The following TRPM7 variants were observed in gnomAD, a reference collection of about 807,000 sequenced individuals.
The protein encoded by TRPM7 is transient receptor potential cation channel subfamily M member 7, also known as LTRPC ion channel family member 7.
Under a neutral mutation model 229.7 loss-of-function variants are expected in TRPM7, and 134 were observed. That is an observed-to-expected ratio of 0.58 (90% confidence interval 0.51 to 0.67). The LOEUF (loss-of-function observed/expected upper bound fraction) is 0.67. Ranked by LOEUF, TRPM7 falls within the 30% of genes least tolerant of loss-of-function variation. The probability of loss-of-function intolerance (pLI) is 0.00; values close to 1 mark genes in which losing one functional copy is unlikely to be tolerated. For missense variants in TRPM7, 1,901 were observed against 2,210.0 expected (o/e 0.86, Z 2.80); for synonymous variants, 699 against 715.2 (o/e 0.98, Z 0.36).
Position 50,609,633 on chromosome 15 carries a change from C to T in TRPM7, c.2528G>A (p.Arg843Gln), listed in dbSNP as rs377252016. The change falls in exon 19 of 39, where the codon CGA (arginine) becomes CAA (glutamine). Residue 843 changes from arginine to glutamine, a missense_variant. Around this residue, in one of 8 missense-constraint regions of TRPM7, gnomAD observed 207 missense variants for 241.5 expected, o/e 0.86. Coordinates refer to ENST00000646667, the MANE Select transcript of TRPM7 (RefSeq NM_017672.6). ...TGCATGATAAAAGGCATAAAACTTT[C>T]GCGTAATTGGAAGCTTTTTTGATTT... The part of the protein sequence containing the change: ...QMKSKKLPIT[R>Q]KFYAFYHAPI... The T allele has an allele frequency of 3.5e-5, 56 of 1,612,156 alleles. No homozygotes were observed. Among genetic ancestry groups the T allele is most frequent in the African/African-American group, 2.9e-4 (22 of 74,834 alleles).
At chr15:50,643,653 T>G (rs138807501) in intron 4 of TRPM7, 100 bp from the exon 5 acceptor site, 17,930 of 827,470 alleles carry the variant, frequency 0.022, 316 homozygotes, top group Non-Finnish European at 0.024. Flanking sequence ...AATCAGATTA[T>G]GTAAAAAGAG....
At position 50,594,452 on chromosome 15, in the gene TRPM7, T is replaced by C; in HGVS notation, c.3452A>G (p.Lys1151Arg). The change falls in exon 24 of 39, where the codon AAA (lysine) becomes AGA (arginine). Residue 1151 changes from lysine to arginine, a missense_variant. Transcript: ENST00000646667. ...ACTTGGTCCATCGGAAGTCTTATCT[T>C]TCTTTCTTCTCTTACATATGCAGCA... is the stretch of plus-strand genomic sequence containing the variant. The part of the protein sequence containing the change: ...LFCCICKRRK[K>R]DKTSDGPKLF... 6.2e-7 allele frequency: 1 copy of C among 1,611,416 alleles called. No homozygotes were observed. Among genetic ancestry groups the C allele is most frequent in the East Asian group, 2.2e-5 (1 of 44,700 alleles).
At chr15:50,641,184 T>G (rs1430224469) in intron 5 of TRPM7, among the ~76,000 whole-genome samples, 4 of 152,094 alleles carry the variant, frequency 2.6e-5, no homozygotes, top group Non-Finnish European at 4.4e-5. Flanking sequence ...ACTTAAAACC[T>G]CCTCTTCTCA....
chr15:50,583,797 C>T (rs965068972), intron 28 of TRPM7, among the ~76,000 whole-genome samples: 1 of 152,118 alleles, frequency 6.6e-6, no homozygotes, highest in Admixed American at 6.6e-5. Context: ...TGGTCTCAAA[C>T]TCCTGACCTC....
chr15:50,656,890 C>A (rs773345710), intron 3 of TRPM7, among the ~76,000 whole-genome samples: 4 of 152,140 alleles, frequency 2.6e-5, no homozygotes, highest in African/African-American at 4.8e-5. Context: ...TCTCATTAAG[C>A]CCTTCAAATA....
chr15:50,600,485 T>C (rs1195611694), intron 21 of TRPM7, among the ~76,000 whole-genome samples: 1 of 151,640 alleles, frequency 6.6e-6, no homozygotes, highest in African/African-American at 2.4e-5. Flanking sequence ...GAATGCTTTC[T>C]CACTCTAGCA....
intron 2 of TRPM7, 116 bp from the exon 3 acceptor site, chr15:50,657,935 C>A: frequency 2.9e-6 from 2 of 693,910 alleles, no homozygotes; most frequent in Non-Finnish European, 4.9e-6. Context: ...TTTAATTTTT[C>A]AGTAGATATT....
intron 3 of TRPM7, among the ~76,000 whole-genome samples, chr15:50,656,304 TG>T (rs1349312553): frequency 6.6e-6 from 1 of 151,902 alleles, no homozygotes; most frequent in Non-Finnish European, 1.5e-5. Flanking sequence ...TCTTTTTGTT[TG>T]TTTTTTTTTC....
chr15:50,654,840 A>AAC (rs2061513446), intron 3 of TRPM7, among the ~76,000 whole-genome samples: 1 of 149,252 alleles, frequency 6.7e-6, no homozygotes, highest in Non-Finnish European at 1.5e-5. Context: ...TACTAAAAAA[A>AAC]ACCACAAAAA....
At chr15:50,662,639 A>G (rs546716423) in intron 2 of TRPM7, among the ~76,000 whole-genome samples, 58 of 152,288 alleles carry the variant, frequency 3.8e-4, no homozygotes, top group African/African-American at 1.3e-3. Context: ...TAAGTTCCCA[A>G]TATCAGTGAA....
chr15:50,679,769 A>G (rs889926058), intron 1 of TRPM7, among the ~76,000 whole-genome samples: 1 of 151,028 alleles, frequency 6.6e-6, no homozygotes, highest in Non-Finnish European at 1.5e-5. Flanking sequence ...TCCTAGCTTC[A>G]AGCAATCCTC....
chr15:50,606,054 T>C lies in TRPM7; in HGVS notation c.2710-910A>G, dbSNP rs142867728. Among the ~76,000 whole-genome samples the C allele has an allele frequency of 4.4e-3, 675 of 152,276 alleles. 7 individuals carry two copies. The highest frequency in any genetic ancestry group is 0.015 in the African/African-American group (633 of 41,566). ...CTAAATGTAAGGTAGAGACATGAAATAATTCAGAGGTACTTATGCAAGTAT... is the reference window on the plus strand; with the variant it reads ...CTAAATGTAAGGTAGAGACATGAAACAATTCAGAGGTACTTATGCAAGTAT... On this transcript the variant is annotated intron_variant, in intron 20 of 38. Coordinates refer to ENST00000646667, the MANE Select transcript of TRPM7 (RefSeq NM_017672.6).
chr15:50,648,991 T>A (rs2061344492), intron 3 of TRPM7, 106 bp from the exon 4 acceptor site: 1 of 744,612 alleles, frequency 1.3e-6, no homozygotes, highest in East Asian at 3.0e-5. Flanking sequence ...AAAATTTTTA[T>A]ATTTTATATA....
intron 1 of TRPM7, among the ~76,000 whole-genome samples, chr15:50,670,428 A>G (rs965298732): frequency 6.6e-6 from 1 of 152,136 alleles, no homozygotes; most frequent in Non-Finnish European, 1.5e-5. Flanking sequence ...TGCACTAAAA[A>G]AGCTAGCCAA....
intron 38 of TRPM7, among the ~76,000 whole-genome samples, chr15:50,568,050 G>C (rs2053686384): frequency 7.7e-6 from 1 of 130,104 alleles, no homozygotes; most frequent in Non-Finnish European, 1.5e-5. Flanking sequence ...CTGCACTCTA[G>C]CCTGGGCAAC....
chr15:50,671,486 A>G (rs531794265), intron 1 of TRPM7, among the ~76,000 whole-genome samples: 1 of 152,168 alleles, frequency 6.6e-6, no homozygotes, highest in East Asian at 1.9e-4. Flanking sequence ...CAGTGGTCCC[A>G]TAAGATTATA....
intron 1 of TRPM7, among the ~76,000 whole-genome samples, chr15:50,678,516 A>AT (rs2062153169): frequency 1.5e-4 from 15 of 99,326 alleles, no homozygotes; most frequent in African/African-American, 6.5e-4. Flanking sequence ...TAAAAAAAAA[A>AT]AATATATATA....
chr15:50,614,335 AG>A, intron 13 of TRPM7, 72 bp from the exon 14 acceptor site: 1 of 1,326,786 alleles, frequency 7.5e-7, no homozygotes, highest in Non-Finnish European at 1.0e-6. Flanking sequence ...GCCTAGGAAC[AG>A]GCCTACTCTC....
intron 36 of TRPM7, among the ~76,000 whole-genome samples, chr15:50,573,195 C>T (rs770883848): frequency 7.2e-5 from 11 of 152,188 alleles, no homozygotes; most frequent in South Asian, 2.1e-4. Context: ...ATCTACTTCG[C>T]CTCCCCTTGA....
Sources: allele counts gnomAD v4.1 joint callset (sites outside exome capture counted in the v4.1 genomes callset), GRCh38; gene constraint gnomAD v4.1.1; regional missense constraint gnomAD v4.1.1; transcripts MANE v1.5; gene names NCBI Gene and HGNC (gene_info 2026-07-23, HGNC 2026-07-21).